Variants in LRPAP1 observed in about 807,000 individuals in gnomAD.
LRPAP1 encodes the protein alpha-2-macroglobulin receptor-associated protein.
Under a neutral mutation model 39.9 loss-of-function variants are expected in LRPAP1, and 41 were observed. The observed-to-expected ratio is 1.03, with a 90% confidence interval of 0.80 to 1.33. The LOEUF is 1.33. Among genes scored for constraint, LRPAP1 ranks in the 40% most tolerant of loss-of-function variants. The pLI, the probability that LRPAP1 is intolerant of heterozygous loss-of-function variation, is 0.00. For synonymous variants in LRPAP1, 263 were observed against 212.7 expected, an observed-to-expected ratio of 1.24 and a Z score of -2.06; for missense variants, 565 against 482.3, an observed-to-expected ratio of 1.17 and a Z score of -1.61.
chr4:3,515,967 C>A, intron 6 of LRPAP1, 149 bp downstream of exon 6: 1 of 752,600 alleles, frequency 1.3e-6, no homozygotes, highest in Admixed American at 2.6e-5. Context: ...AAGGAAAACG[C>A]AAGCAGGTTC....
chr4:3,520,463 G>A (rs1032214456), intron 2 of LRPAP1, among the ~76,000 whole-genome samples: 7 of 152,178 alleles, frequency 4.6e-5, no homozygotes, highest in Non-Finnish European at 7.3e-5. Flanking sequence ...GGGACACGCC[G>A]GCTGGAGTCC....
intron 2 of LRPAP1, among the ~76,000 whole-genome samples, chr4:3,521,526 A>T (rs1303271587): frequency 6.6e-6 from 1 of 152,068 alleles, no homozygotes; most frequent in Non-Finnish European, 1.5e-5. Context: ...CTCGAGGGAC[A>T]CCCTGAAAGC....
At position 3,529,967 on chromosome 4, in the gene LRPAP1, C is replaced by T. The variant is rs114003655; in HGVS notation, c.204+2242G>A. Among the ~76,000 whole-genome samples, 211 of 152,290 alleles carry T rather than the reference C, an allele frequency of 1.4e-3. 1 individual carries two copies. Among genetic ancestry groups the T allele is most frequent in the African/African-American group, 4.5e-3 (189 of 41,542 alleles). On this transcript the variant is annotated intron_variant, in intron 1 of 7. Transcript: ENST00000650182. ...GAGGCTGAGAGCAGTGGCTGCAGAGCCGGGCAGGAAGTGCTTCTCTGAAAA... is the reference window on the plus strand; with the variant it reads ...GAGGCTGAGAGCAGTGGCTGCAGAGTCGGGCAGGAAGTGCTTCTCTGAAAA...
In LRPAP1 at chr4:3,532,229, G is replaced by T; in HGVS notation, c.184C>A (p.Leu62Met). 1 of 1,550,726 alleles carries T rather than the reference G, an allele frequency of 6.4e-7. No homozygotes were observed. Among genetic ancestry groups the T allele is most frequent in the South Asian group, 1.2e-5 (1 of 84,118 alleles). ...EEFRMEKLNQ[L>M]WEKAQRLHLP... ...CTCACTCGCTGGGCCTTCTCCCACAGCTGGTTCAACTTCTCCATGCGGAAC... is the reference window on the plus strand; with the variant it reads ...CTCACTCGCTGGGCCTTCTCCCACATCTGGTTCAACTTCTCCATGCGGAAC... The change falls in exon 1 of 8, where the codon CTG (leucine) becomes ATG (methionine). Residue 62 changes from leucine (L) to methionine (M), a missense_variant. Physicochemically the swap from Leu to Met is conservative, Grantham distance 15 (BLOSUM62 2). Coordinates refer to ENST00000650182, the MANE Select transcript of LRPAP1 (RefSeq NM_002337.4).
intron 1 of LRPAP1, among the ~76,000 whole-genome samples, chr4:3,530,184 G>A (rs555128480): frequency 3.9e-5 from 6 of 152,164 alleles, no homozygotes; most frequent in East Asian, 1.9e-4. Flanking sequence ...GCCCTGGCAC[G>A]CTCGGCAGAA....
intron 1 of LRPAP1, among the ~76,000 whole-genome samples, chr4:3,528,789 A>C (rs1433598291): frequency 6.6e-6 from 1 of 152,174 alleles, no homozygotes; most frequent in Non-Finnish European, 1.5e-5. Flanking sequence ...ACAAGGGCAC[A>C]GCCGTACCCG....
intron 3 of LRPAP1, among the ~76,000 whole-genome samples, chr4:3,519,493 C>T (rs1478764548): frequency 6.6e-6 from 1 of 152,252 alleles, no homozygotes; most frequent in East Asian, 1.9e-4. Flanking sequence ...GGACATTGAG[C>T]TGAGACTGGG....
chr4:3,523,791 A>G (rs962863962), intron 2 of LRPAP1, among the ~76,000 whole-genome samples: 1 of 152,188 alleles, frequency 6.6e-6, no homozygotes. Flanking sequence ...GACTCCAGAC[A>G]TGGCCAGGGC....
At position 3,507,672 on chromosome 4, in the gene LRPAP1, A is replaced by C. The variant is rs1461885217; in HGVS notation, c.*5302T>G. The C allele has an allele frequency of 6.6e-6, 1 of 152,214 alleles. No individual in the cohort carries two copies. Among genetic ancestry groups the C allele is most frequent in the African/African-American group, 2.4e-5 (1 of 41,450 alleles). The allele number at this position is 152,214 out of a possible 1,614,324, so 9.4% of individuals were successfully genotyped here. A position where few individuals can be genotyped will look rare whatever the true frequency, so the allele number is the denominator to read the frequency against. On this transcript the variant is annotated 3_prime_UTR_variant, in exon 8 of 8. Transcript: ENST00000650182. Reference sequence around the variant, plus strand: ...AGCCTCTATCAAAAGAACCTAAAACAAGGACAGCAAATTGAACACAAAATA... The same window carrying C: ...AGCCTCTATCAAAAGAACCTAAAACCAGGACAGCAAATTGAACACAAAATA...
intron 6 of LRPAP1, among the ~76,000 whole-genome samples, chr4:3,515,148 CCT>C (rs993544106): frequency 3.3e-5 from 5 of 152,174 alleles, no homozygotes; most frequent in Non-Finnish European, 7.4e-5. Context: ...CGACCCCTTC[CCT>C]GTCTCTGCAA....
At chr4:3,522,209 AG>A (rs1560258137) in intron 2 of LRPAP1, among the ~76,000 whole-genome samples, 2 of 152,108 alleles carry the variant, frequency 1.3e-5, no homozygotes, top group Non-Finnish European at 2.9e-5. Flanking sequence ...GCCCGAGAGG[AG>A]GAGAGGGGGA....
rs1272300668 is a variant in LRPAP1 at position 3,511,159 on chromosome 4, TCCAA to T, written c.*1811_*1814del. 1 of 152,138 alleles carries T rather than the reference TCCAA, an allele frequency of 6.6e-6. No individual in the cohort carries two copies. The highest frequency in any genetic ancestry group is 6.6e-5 in the Admixed American group (1 of 15,264). The allele number at this position is 152,138 out of a possible 1,614,324, so 9.4% of individuals were successfully genotyped here. On this transcript the variant is annotated 3_prime_UTR_variant, in exon 8 of 8. Coordinates refer to ENST00000650182, the MANE Select transcript of LRPAP1 (RefSeq NM_002337.4). Reference sequence around the variant, plus strand: ...ACCCAGCTGGGAGAAAGAAACACAGTCCAACCACTTTGGAATCATCTCTATACTT... The same window carrying T: ...ACCCAGCTGGGAGAAAGAAACACAGTCCACTTTGGAATCATCTCTATACTT...
At chr4:3,529,506 G>A (rs1730182737) in intron 1 of LRPAP1, among the ~76,000 whole-genome samples, 1 of 152,134 alleles carries the variant, frequency 6.6e-6, no homozygotes, top group Admixed American at 6.5e-5. Context: ...CTCTGAAGAG[G>A]CAGAGTCCTC....
chr4:3,521,770 C>T (rs1317153707), intron 2 of LRPAP1, among the ~76,000 whole-genome samples: 1 of 152,236 alleles, frequency 6.6e-6, no homozygotes, highest in Non-Finnish European at 1.5e-5. Flanking sequence ...GGGCACGGGT[C>T]CCGTAGATGC....
At chr4:3,517,480 G>A (rs1007845659) in intron 5 of LRPAP1, among the ~76,000 whole-genome samples, 4 of 152,248 alleles carry the variant, frequency 2.6e-5, no homozygotes, top group African/African-American at 9.6e-5. Flanking sequence ...CGTGAGTGAG[G>A]CCAGCAGGCT....
In LRPAP1 at chr4:3,526,898, G is replaced by A. The variant is rs111983898; in HGVS notation, c.205-1847C>T. ...ACTCTGTGGCTGCCCTAGCCACACA[G>A]GCCCCACCCTCCAGGAGTTTAAAAT... On this transcript the variant is annotated intron_variant, in intron 1 of 7. Transcript: ENST00000650182. Among the ~76,000 whole-genome samples, 1,240 of 152,280 alleles carry A rather than the reference G, an allele frequency of 8.1e-3. 10 individuals carry two copies. The highest frequency in any genetic ancestry group is 0.013 in the Non-Finnish European group (890 of 68,020).
rs536168207 is a variant in LRPAP1 at position 3,511,635 on chromosome 4, A to C, written c.*1339T>G. The C allele has an allele frequency of 6.6e-6, 1 of 152,424 alleles. No homozygotes were observed. Among genetic ancestry groups the C allele is most frequent in the East Asian group, 1.9e-4 (1 of 5,190 alleles). 9.4% of individuals were successfully genotyped at this position (152,424 alleles called of 1,614,324 possible). A position where few individuals can be genotyped will look rare whatever the true frequency, so the allele number is the denominator to read the frequency against. On this transcript the variant is annotated 3_prime_UTR_variant, in exon 8 of 8. Transcript: ENST00000650182. ...TTTCTCAGAAATGATAGCTTAGCGG[A>C]TGTTTGGCAGATCTCAACAGTCAAG...
At chr4:3,525,662 C>T (rs532623163) in intron 1 of LRPAP1, among the ~76,000 whole-genome samples, 6 of 152,266 alleles carry the variant, frequency 3.9e-5, no homozygotes, top group South Asian at 4.2e-4. Flanking sequence ...AACGAGCTGC[C>T]GCACTGGGGC....
At chr4:3,527,375 A>G (rs78361100) in intron 1 of LRPAP1, among the ~76,000 whole-genome samples, 7,237 of 152,320 alleles carry the variant, frequency 0.048, 214 homozygotes, top group Admixed American at 0.066. Context: ...GACCCAGGAC[A>G]ATGAGGCACC....
Sources: gnomAD v4.1 joint callset for allele counts (sites outside exome capture counted in the v4.1 genomes callset) on GRCh38, gnomAD v4.1.1 for gene constraint, MANE v1.5 for transcripts, NCBI Gene and HGNC (gene_info 2026-07-23, HGNC 2026-07-21) for gene names.